Variants in ECD observed in about 807,000 individuals in gnomAD.
ECD encodes protein ecdysoneless homolog.
ECD carries 59 observed loss-of-function variants against 77.2 expected under a neutral mutation model. The ratio of observed to expected loss-of-function variants is 0.76; its 90% CI spans 0.62 to 0.95. The LOEUF (loss-of-function observed/expected upper bound fraction) is 0.95, where lower values mean the gene tolerates loss of function less well. ECD is among the 40% of genes least tolerant of loss of function. The pLI, the probability that ECD is intolerant of heterozygous loss-of-function variation, is 0.00. For synonymous variants in ECD, 233 were observed against 267.4 expected, an observed-to-expected ratio of 0.87 and a Z score of 1.26; for missense variants, 704 against 763.4, an observed-to-expected ratio of 0.92 and a Z score of 0.92.
intron 3 of ECD, among the ~76,000 whole-genome samples, chr10:73,159,720 C>T (rs1013178698): frequency 1.2e-4 from 17 of 147,372 alleles, no homozygotes; most frequent in African/African-American, 2.5e-4. Flanking sequence ...CTCGGCTCAC[C>T]GCAACCTCCG....
intron 6 of ECD, among the ~76,000 whole-genome samples, chr10:73,153,752 AAAT>A (rs2133264682): frequency 6.7e-6 from 1 of 149,808 alleles, no homozygotes; most frequent in African/African-American, 2.4e-5. Context: ...AAAAAAAAGG[AAAT>A]AATTATAGAA....
intron 9 of ECD, among the ~76,000 whole-genome samples, chr10:73,143,073 AT>A (rs1164288212): frequency 6.6e-6 from 1 of 152,180 alleles, no homozygotes; most frequent in East Asian, 1.9e-4. Context: ...CTTTGGGTTC[AT>A]TTATTATATC....
chr10:73,141,339 T>TA (rs749192454), intron 9 of ECD: 1,801 of 95,064 alleles, frequency 0.019, 20 homozygotes, highest in Middle Eastern at 0.022. Flanking sequence ...CCGTCTCTAC[T>TA]AAAAAAAAAA....
In ECD at chr10:73,156,373, G is replaced by T; in HGVS notation, c.492C>A (p.Pro164=). 1 of 1,613,700 alleles carries T rather than the reference G, an allele frequency of 6.2e-7. No homozygotes were observed. The highest frequency in any genetic ancestry group is 8.5e-7 in the Non-Finnish European group (1 of 1,179,916). ...SGAESWLPTT[P]PTIPQALNII... is the part of the protein sequence containing the mutation. ...TATTCAATGCTTGTGGAATTGTTGGGGGTGTGGTGGGTAACCAAGATTCTG... is the reference window on the plus strand; with the variant it reads ...TATTCAATGCTTGTGGAATTGTTGGTGGTGTGGTGGGTAACCAAGATTCTG... The change falls in exon 5 of 14, where the codon CCC becomes CCA. Residue 164 remains proline (P), a synonymous_variant. Coordinates refer to ENST00000372979, the MANE Select transcript of ECD (RefSeq NM_007265.3).
At chr10:73,162,385 G>T (rs993771575) in intron 2 of ECD, among the ~76,000 whole-genome samples, 15 of 152,208 alleles carry the variant, frequency 9.9e-5, no homozygotes, top group Non-Finnish European at 2.2e-4. Flanking sequence ...GACTAGCTTG[G>T]ATAACTGGGT....
At chr10:73,139,158 A>G (rs1388221596) in intron 11 of ECD, 151 bp downstream of exon 11, 2 of 680,660 alleles carry the variant, frequency 2.9e-6, no homozygotes, top group Non-Finnish European at 4.5e-6. Context: ...ACTTCAAATA[A>G]GTAAGTTATC....
chr10:73,161,115 A>C (rs963296279), intron 2 of ECD, among the ~76,000 whole-genome samples: 3 of 152,144 alleles, frequency 2.0e-5, no homozygotes, highest in African/African-American at 7.2e-5. Flanking sequence ...AGCAGTGCTA[A>C]AAAGGAAGTT....
At chr10:73,154,610 C>T (rs558238016) in intron 5 of ECD, among the ~76,000 whole-genome samples, 162 bp from the exon 6 acceptor site, 2 of 151,508 alleles carry the variant, frequency 1.3e-5, no homozygotes, top group South Asian at 2.1e-4. Flanking sequence ...TAAGAATATA[C>T]GAGAGAGGGA....
intron 9 of ECD, 88 bp from the exon 10 acceptor site, chr10:73,139,825 A>G: frequency 1.3e-6 from 1 of 779,092 alleles, no homozygotes; most frequent in Non-Finnish European, 2.0e-6. Flanking sequence ...GTTGGAAGGG[A>G]TTAGCTAGTC....
At chr10:73,157,930 C>G (rs1589120877) in intron 3 of ECD, among the ~76,000 whole-genome samples, 1 of 150,722 alleles carries the variant, frequency 6.6e-6, no homozygotes, top group South Asian at 2.1e-4. Flanking sequence ...CGTTCTAGCT[C>G]TATACTTCTA....
Position 73,163,956 on chromosome 10 carries a change from T to TTA in ECD, c.-13-7_-13-6insTA. ...CTTCCATTCTTCTTTGAAAACTATG[T>TTA]TTAAAGTTCCAAAATATAAACCACA... On this transcript the variant is annotated splice_region_variant and splice_polypyrimidine_tract_variant and intron_variant, in intron 1 of 13. Coordinates refer to ENST00000372979, the MANE Select transcript of ECD (RefSeq NM_007265.3). The TTA allele has an allele frequency of 6.2e-7, 1 of 1,612,320 alleles. No individual in the cohort carries two copies.
At position 73,146,268 on chromosome 10, in the gene ECD, T is replaced by C; in HGVS notation, c.1127+8A>G. 2.5e-6 allele frequency: 4 copies of C among 1,571,444 alleles called. No individual in the cohort carries two copies. The highest frequency in any genetic ancestry group is 3.5e-6 in the Non-Finnish European group (4 of 1,149,170). ...ATCTTTGTAGTAGGAGTCTTAACAA[T>C]AACTCACCTTTCTGGCCAGTCTACT... is the stretch of plus-strand genomic sequence containing the variant. On this transcript the variant is annotated splice_region_variant and intron_variant, in intron 9 of 13. Transcript: ENST00000372979.
intron 9 of ECD, among the ~76,000 whole-genome samples, chr10:73,140,533 T>C (rs1170051997): frequency 6.6e-6 from 1 of 151,628 alleles, no homozygotes; most frequent in African/African-American, 2.4e-5. Flanking sequence ...AATACAAAAA[T>C]TAGCTGGGCA....
At chr10:73,147,740 T>C (rs1843148014) in intron 8 of ECD, among the ~76,000 whole-genome samples, 1 of 152,146 alleles carries the variant, frequency 6.6e-6, no homozygotes, top group Non-Finnish European at 1.5e-5. Context: ...ACCAAATTAC[T>C]TTCCAGTTAA....
intron 3 of ECD, among the ~76,000 whole-genome samples, chr10:73,158,067 T>G (rs1299296004): frequency 3.9e-5 from 6 of 151,968 alleles, no homozygotes; most frequent in Admixed American, 2.0e-4. Flanking sequence ...CTCAAGTGAT[T>G]CTCCTGCCTC....
At chr10:73,164,974 T>G (rs1843433115) in intron 1 of ECD, among the ~76,000 whole-genome samples, 1 of 152,228 alleles carries the variant, frequency 6.6e-6, no homozygotes, top group Non-Finnish European at 1.5e-5. Flanking sequence ...GTGGTATGTG[T>G]AATATATTTC....
intron 3 of ECD, among the ~76,000 whole-genome samples, chr10:73,157,517 A>C (rs1843312473): frequency 6.6e-6 from 1 of 151,042 alleles, no homozygotes; most frequent in Admixed American, 6.6e-5. Flanking sequence ...TCAGGAGCTC[A>C]AGACCAGCCT....
At chr10:73,144,889 TA>T (rs1218304199) in intron 9 of ECD, among the ~76,000 whole-genome samples, 1 of 152,010 alleles carries the variant, frequency 6.6e-6, no homozygotes, top group Non-Finnish European at 1.5e-5. Context: ...CCAAATACCT[TA>T]AAAAAATGGA....
chr10:73,157,418 A>G (rs1472219883), intron 3 of ECD, among the ~76,000 whole-genome samples: 3 of 151,830 alleles, frequency 2.0e-5, no homozygotes, highest in African/African-American at 7.3e-5. Flanking sequence ...TTTTTAAAAA[A>G]ATGTATTAAA....
Sources: allele counts gnomAD v4.1 joint callset (sites outside exome capture counted in the v4.1 genomes callset), GRCh38; gene constraint gnomAD v4.1.1; transcripts MANE v1.5; gene names NCBI Gene and HGNC (gene_info 2026-07-23, HGNC 2026-07-21).